The following GRXCR1 variants were observed in gnomAD, a reference collection of about 807,000 sequenced individuals.
The protein encoded by GRXCR1 is glutaredoxin domain-containing cysteine-rich protein 1.
A neutral mutation model predicts 27.3 loss-of-function variants in GRXCR1; 27 were observed. The observed-to-expected ratio is 0.99, with a 90% CI of 0.73 to 1.37. The LOEUF (loss-of-function observed/expected upper bound fraction) is 1.37. Ranked by LOEUF, GRXCR1 falls within the 40% of genes most tolerant of loss-of-function variation. The pLI, the probability that GRXCR1 is intolerant of heterozygous loss-of-function variation, is 0.00. For synonymous variants in GRXCR1, 122 were observed against 131.1 expected, an observed-to-expected ratio of 0.93 and a Z score of 0.47; for missense variants, 379 against 354.4, an observed-to-expected ratio of 1.07 and a Z score of -0.56.
intron 2 of GRXCR1, among the ~76,000 whole-genome samples, chr4:42,980,948 T>G (rs935027135): frequency 1.1e-4 from 16 of 151,260 alleles, no homozygotes; most frequent in African/African-American, 3.6e-4. Context: ...GGTTGGATCT[T>G]GTTTTTTTTG....
chr4:42,903,308 A>ATTT (rs35512711), intron 1 of GRXCR1, among the ~76,000 whole-genome samples: 958 of 63,220 alleles, frequency 0.015, 67 homozygotes, highest in Non-Finnish European at 0.022. Flanking sequence ...AGCTTTGTAG[A>ATTT]TTTTTTTTTT....
intron 2 of GRXCR1, among the ~76,000 whole-genome samples, chr4:43,012,173 T>A (rs1214033545): frequency 6.6e-6 from 1 of 152,230 alleles, no homozygotes; most frequent in Admixed American, 6.5e-5. Flanking sequence ...GTCTTCTGAC[T>A]CTTTAGAGAG....
intron 1 of GRXCR1, among the ~76,000 whole-genome samples, chr4:42,961,181 C>A (rs1292081468): frequency 6.6e-6 from 1 of 151,972 alleles, no homozygotes; most frequent in Non-Finnish European, 1.5e-5. Flanking sequence ...AACATGATCT[C>A]ATTCATTTTC....
chr4:42,900,161 C>G (rs1036755425), intron 1 of GRXCR1, among the ~76,000 whole-genome samples: 1 of 152,070 alleles, frequency 6.6e-6, no homozygotes, highest in African/African-American at 2.4e-5. Context: ...ATTTAATAGT[C>G]TATACACTGA....
At chr4:42,963,663 A>G (rs1748178147) in intron 2 of GRXCR1, among the ~76,000 whole-genome samples, 1 of 151,932 alleles carries the variant, frequency 6.6e-6, no homozygotes, top group Non-Finnish European at 1.5e-5. Context: ...GGCTTACGGT[A>G]AGCAGAGAGA....
At chr4:42,933,756 C>T (rs540189145) in intron 1 of GRXCR1, among the ~76,000 whole-genome samples, 5 of 151,890 alleles carry the variant, frequency 3.3e-5, no homozygotes, top group Non-Finnish European at 7.4e-5. Flanking sequence ...TGGGCTCTCA[C>T]CAGACATCAA....
At chr4:42,974,387 A>G (rs762260792) in intron 2 of GRXCR1, among the ~76,000 whole-genome samples, 1 of 152,148 alleles carries the variant, frequency 6.6e-6, no homozygotes, top group Non-Finnish European at 1.5e-5. Context: ...ACAAGATTTC[A>G]TAATTTTTAA....
In GRXCR1 at chr4:42,979,738, A is replaced by G. The variant is rs184828260; in HGVS notation, c.627+16604A>G. On this transcript the variant is annotated intron_variant, in intron 2 of 3. Transcript: ENST00000399770. ...GATTTTTTTGGTGTGTGGGGCAGGT[A>G]GAATTGGTGTTAGTTCTTTAAAAGT... is the stretch of plus-strand genomic sequence containing the variant. Among the ~76,000 whole-genome samples the G allele has an allele frequency of 3.3e-5, 5 of 152,164 alleles. No homozygotes were observed. In the East Asian group the frequency reaches 9.7e-4, roughly 29 times the overall value.
chr4:42,943,699 A>G (rs1014491622), intron 1 of GRXCR1, among the ~76,000 whole-genome samples: 3 of 152,092 alleles, frequency 2.0e-5, no homozygotes, highest in Admixed American at 2.0e-4. Flanking sequence ...CATATTTATC[A>G]CTTATTCATT....
At chr4:42,960,963 G>T in intron 1 of GRXCR1, among the ~76,000 whole-genome samples, 1 of 151,618 alleles carries the variant, frequency 6.6e-6, no homozygotes, top group East Asian at 1.9e-4. Context: ...ATTAAGCCTC[G>T]CATGCATTTT....
chr4:42,990,647 A>G (rs1711943167), intron 2 of GRXCR1, among the ~76,000 whole-genome samples: 1 of 152,088 alleles, frequency 6.6e-6, no homozygotes, highest in African/African-American at 2.4e-5. Context: ...TTTCCAAGAA[A>G]CTAAATGTTT....
intron 1 of GRXCR1, among the ~76,000 whole-genome samples, chr4:42,959,619 C>G (rs1017124615): frequency 6.8e-6 from 1 of 147,400 alleles, no homozygotes; most frequent in Non-Finnish European, 1.5e-5. Context: ...TTATTTAACT[C>G]TGTATATCAA....
intron 1 of GRXCR1, among the ~76,000 whole-genome samples, chr4:42,960,060 GA>G (rs1164369067): frequency 2.0e-5 from 3 of 151,902 alleles, no homozygotes; most frequent in African/African-American, 7.2e-5. Flanking sequence ...TTAGTATTTT[GA>G]AAATGCATGT....
At chr4:42,950,423 T>G (rs373648982) in intron 1 of GRXCR1, among the ~76,000 whole-genome samples, 11 of 152,208 alleles carry the variant, frequency 7.2e-5, no homozygotes, top group African/African-American at 2.7e-4. Context: ...CTGAATATGA[T>G]GATTTTGGTG....
At chr4:42,936,684 T>C (rs865942713) in intron 1 of GRXCR1, among the ~76,000 whole-genome samples, 26 of 151,974 alleles carry the variant, frequency 1.7e-4, no homozygotes, top group African/African-American at 5.8e-4. Flanking sequence ...AGATATTTCA[T>C]TCATTTTCTC....
chr4:42,932,629 GAGAGAGAGA>G (rs1747354587), intron 1 of GRXCR1, among the ~76,000 whole-genome samples: 1 of 74,610 alleles, frequency 1.3e-5, no homozygotes, highest in African/African-American at 5.0e-5. Flanking sequence ...TAGAGAGAGA[GAGAGAGAGA>G]GAGAGAGAGA....
chr4:42,990,316 C>G (rs932246583), intron 2 of GRXCR1, among the ~76,000 whole-genome samples: 13 of 148,098 alleles, frequency 8.8e-5, no homozygotes, highest in African/African-American at 3.2e-4. Flanking sequence ...CTCAGCCTCC[C>G]AAGTAGCTGG....
intron 1 of GRXCR1, among the ~76,000 whole-genome samples, chr4:42,947,589 A>C (rs1747777784): frequency 6.6e-6 from 1 of 152,130 alleles, no homozygotes; most frequent in Non-Finnish European, 1.5e-5. Context: ...AATGAGACTT[A>C]TTATTTTGTT....
intron 2 of GRXCR1, among the ~76,000 whole-genome samples, chr4:42,978,270 A>T (rs1377672509): frequency 6.6e-6 from 1 of 152,044 alleles, no homozygotes; most frequent in Non-Finnish European, 1.5e-5. Flanking sequence ...CTTTTTGCTC[A>T]AGATTTATTT....
Sources: gnomAD v4.1 joint callset for allele counts (sites outside exome capture counted in the v4.1 genomes callset) on GRCh38, gnomAD v4.1.1 for gene constraint, MANE v1.5 for transcripts, NCBI Gene and HGNC (gene_info 2026-07-23, HGNC 2026-07-21) for gene names.